The following ZNF521 variants were observed in gnomAD, a reference collection of about 807,000 sequenced individuals.
ZNF521 encodes the protein zinc finger protein 521.
Under a neutral mutation model 105.5 loss-of-function variants are expected in ZNF521, and 14 were observed. That is an observed-to-expected ratio of 0.13 (90% CI 0.09 to 0.21). The LOEUF (loss-of-function observed/expected upper bound fraction) is 0.21. Ranked by LOEUF, ZNF521 falls within the 10% of genes least tolerant of loss-of-function variation. The pLI, the probability that ZNF521 is intolerant of heterozygous loss-of-function variation, is 1.00. For missense variants in ZNF521, 1,233 were observed against 1,629.7 expected (o/e 0.76, Z 4.19); for synonymous variants, 635 against 606.0 (o/e 1.05, Z -0.70).
chr18:25,155,353 T>A (rs1009963482), intron 5 of ZNF521, among the ~76,000 whole-genome samples: 4 of 152,162 alleles, frequency 2.6e-5, no homozygotes, highest in Admixed American at 2.0e-4. Context: ...ATCTAGCAAT[T>A]CCCTTTTCAT....
chr18:25,237,980 T>C (rs1907037785), intron 3 of ZNF521, among the ~76,000 whole-genome samples: 1 of 152,144 alleles, frequency 6.6e-6, no homozygotes, highest in African/African-American at 2.4e-5. Flanking sequence ...GGAAAAAAAG[T>C]GCTAATTTTA....
chr18:25,301,464 C>A (rs781236003), intron 3 of ZNF521, among the ~76,000 whole-genome samples: 3 of 152,126 alleles, frequency 2.0e-5, no homozygotes, highest in Non-Finnish European at 2.9e-5. Flanking sequence ...AGAGACCTGG[C>A]AGCAGCTAAT....
At chr18:25,329,709 T>A (rs1273392517) in intron 2 of ZNF521, among the ~76,000 whole-genome samples, 3 of 152,304 alleles carry the variant, frequency 2.0e-5, no homozygotes, top group African/African-American at 4.8e-5. Flanking sequence ...GTCCAGATGT[T>A]AACCTCACTG....
intron 3 of ZNF521, among the ~76,000 whole-genome samples, chr18:25,245,294 C>A (rs1285259291): frequency 6.6e-6 from 1 of 152,128 alleles, no homozygotes; most frequent in Admixed American, 6.5e-5. Context: ...AGGTTCACAG[C>A]AAAATTGAGC....
chr18:25,351,097 C>T (rs1914736270), intron 1 of ZNF521, 150 bp from the exon 2 acceptor site: 2 of 335,654 alleles, frequency 6.0e-6, no homozygotes, highest in African/African-American at 2.3e-5. Flanking sequence ...CGCTCCGGCT[C>T]CGGCTCGCGC....
At chr18:25,294,144 G>A (rs1237953529) in intron 3 of ZNF521, among the ~76,000 whole-genome samples, 1 of 151,930 alleles carries the variant, frequency 6.6e-6, no homozygotes, top group African/African-American at 2.4e-5. Context: ...GGTACTACTG[G>A]GAAACTATTA....
intron 3 of ZNF521, among the ~76,000 whole-genome samples, chr18:25,311,403 T>C (rs1212028311): frequency 4.7e-5 from 7 of 149,886 alleles, no homozygotes; most frequent in Admixed American, 2.7e-4. Context: ...AAAAAAAAAT[T>C]CAACCTCTTA....
At chr18:25,100,610 A>G (rs1430725237) in intron 5 of ZNF521, among the ~76,000 whole-genome samples, 1 of 152,102 alleles carries the variant, frequency 6.6e-6, no homozygotes, top group African/African-American at 2.4e-5. Flanking sequence ...ACAATACTGC[A>G]TGCTATTTGC....
chr18:25,120,348 C>T (rs1302381988), intron 5 of ZNF521, among the ~76,000 whole-genome samples: 1 of 152,044 alleles, frequency 6.6e-6, no homozygotes, highest in Non-Finnish European at 1.5e-5. Flanking sequence ...TTTGGGAGGC[C>T]AAGGTGGGCA....
intron 5 of ZNF521, among the ~76,000 whole-genome samples, chr18:25,125,996 A>T (rs550067007): frequency 6.6e-6 from 1 of 152,092 alleles, no homozygotes; most frequent in Non-Finnish European, 1.5e-5. Flanking sequence ...GGTCCTCATA[A>T]ATGTTATGTT....
chr18:25,120,576 T>A (rs1414519765), intron 5 of ZNF521, among the ~76,000 whole-genome samples: 2 of 65,834 alleles, frequency 3.0e-5, no homozygotes, highest in African/African-American at 6.3e-5. Context: ...AGAGCAAAAC[T>A]CCATCTAAAA....
intron 3 of ZNF521, among the ~76,000 whole-genome samples, chr18:25,241,232 T>C (rs1209643771): frequency 6.6e-6 from 1 of 152,172 alleles, no homozygotes; most frequent in Non-Finnish European, 1.5e-5. Flanking sequence ...GGAATCCTCG[T>C]CCAAACGGTT....
intron 2 of ZNF521, among the ~76,000 whole-genome samples, chr18:25,331,904 TTTTTA>T (rs1245676275): frequency 2.5e-4 from 38 of 150,528 alleles, no homozygotes; most frequent in African/African-American, 4.9e-5. Context: ...TTTTTTTTTT[TTTTTA>T]AATTTAGGAA....
chr18:25,079,973 A>G (rs1026876611), intron 7 of ZNF521, among the ~76,000 whole-genome samples: 7 of 152,210 alleles, frequency 4.6e-5, no homozygotes, highest in Non-Finnish European at 1.0e-4. Flanking sequence ...CAATTATAAA[A>G]TTAAGTTTTG....
chr18:25,080,478 A>G (rs930687434), intron 7 of ZNF521, among the ~76,000 whole-genome samples: 1 of 152,210 alleles, frequency 6.6e-6, no homozygotes, highest in African/African-American at 2.4e-5. Context: ...CGTTGCAAAT[A>G]TAACAATAAA....
intron 3 of ZNF521, among the ~76,000 whole-genome samples, chr18:25,320,850 T>C (rs889775636): frequency 1.3e-5 from 2 of 152,236 alleles, no homozygotes; most frequent in African/African-American, 4.8e-5. Flanking sequence ...AAAATGTTTA[T>C]GGGTTTTCTG....
chr18:25,313,759 T>G (rs928189565), intron 3 of ZNF521, among the ~76,000 whole-genome samples: 1 of 152,240 alleles, frequency 6.6e-6, no homozygotes, highest in Admixed American at 6.5e-5. Context: ...ATGTATGTAA[T>G]GTATTAGTAA....
chr18:25,066,216 T>C (rs933320827), intron 7 of ZNF521, among the ~76,000 whole-genome samples: 12 of 152,160 alleles, frequency 7.9e-5, no homozygotes, highest in African/African-American at 2.9e-4. Context: ...CTGTCCACCA[T>C]TGGCAGTGAT....
rs1912950973 is a variant in ZNF521 at position 25,321,921 on chromosome 18, TGAA to T, written c.220+84_220+86del. On this transcript the variant is annotated intron_variant, in intron 3 of 7. Coordinates refer to ENST00000361524, the MANE Select transcript of ZNF521 (RefSeq NM_015461.3). ...ATTCAAATGTAGGAATAAAATAATT[TGAA>T]GAGAAAAACACATAAAGGAACAAAC... is the stretch of plus-strand genomic sequence containing the variant. 1.2e-5 allele frequency: 15 copies of T among 1,285,834 alleles called. No individual in the cohort carries two copies. In the Admixed American group the frequency reaches 3.1e-4, roughly 27 times the overall value. The allele number at this position is 1,285,834 out of a possible 1,614,324, so 79.7% of individuals were successfully genotyped here. A position where few individuals can be genotyped will look rare whatever the true frequency, so the allele number is the denominator to read the frequency against.
Sources: gnomAD v4.1 joint callset for allele counts (sites outside exome capture counted in the v4.1 genomes callset) on GRCh38, gnomAD v4.1.1 for gene constraint, MANE v1.5 for transcripts, NCBI Gene and HGNC (gene_info 2026-07-23, HGNC 2026-07-21) for gene names.